Variants in SVOPL observed in about 807,000 individuals in gnomAD.
SVOPL encodes putative transporter SVOPL.
SVOPL carries 60 observed loss-of-function variants against 61.0 expected under a neutral mutation model. The ratio of observed to expected loss-of-function variants is 0.98; its 90% CI spans 0.80 to 1.22. The LOEUF is 1.22. SVOPL is among the 50% of genes most tolerant of loss of function. The pLI is 0.00. For synonymous variants in SVOPL, 279 were observed against 250.0 expected, an observed-to-expected ratio of 1.12 and a Z score of -1.09; for missense variants, 662 against 643.9, an observed-to-expected ratio of 1.03 and a Z score of -0.30.
At chr7:138,671,140 T>C (rs527457330) in intron 4 of SVOPL, among the ~76,000 whole-genome samples, 13 of 152,306 alleles carry the variant, frequency 8.5e-5, no homozygotes, top group African/African-American at 2.9e-4. Flanking sequence ...GCAGTGGCTA[T>C]AGAATGCAAT....
chr7:138,611,874 C>CA (rs1563087776), intron 14 of SVOPL, among the ~76,000 whole-genome samples: 8 of 70,324 alleles, frequency 1.1e-4, no homozygotes, highest in Non-Finnish European at 1.7e-4. Context: ...TCTGCCCGGC[C>CA]GCCACCCCGT....
intron 14 of SVOPL, among the ~76,000 whole-genome samples, chr7:138,610,663 G>A (rs1642687025): frequency 6.6e-6 from 1 of 152,152 alleles, no homozygotes; most frequent in Admixed American, 6.5e-5. Context: ...GCTCCTATGA[G>A]CCCTCTTCTC....
At chr7:138,694,641 A>G (rs991312497) in intron 1 of SVOPL, among the ~76,000 whole-genome samples, 1 of 152,208 alleles carries the variant, frequency 6.6e-6, no homozygotes. Flanking sequence ...ATATTCCCAT[A>G]ATAGAATGCC....
At chr7:138,662,091 C>T (rs1182195426) in intron 5 of SVOPL, 1 of 985,296 alleles carries the variant, frequency 1.0e-6, no homozygotes, top group Non-Finnish European at 1.2e-6. Context: ...TGGGTGGCTT[C>T]TTTATAAACT....
intron 9 of SVOPL, among the ~76,000 whole-genome samples, chr7:138,632,261 A>G (rs1613077): frequency 0.87 from 131,993 of 152,154 alleles, 57,706 homozygotes; most frequent in East Asian, 1. Context: ...GTAAAACCTC[A>G]TCTCTACTAA....
rs1235793965 is a variant in SVOPL, at chr7:138,615,673, T to C, written c.1353+5373A>G. Among the ~76,000 whole-genome samples, 2 of 87,460 alleles carry C rather than the reference T, an allele frequency of 2.3e-5. 1 individual carries two copies. The highest frequency in any genetic ancestry group is 5.2e-5 in the Non-Finnish European group (2 of 38,536). 57.4% of individuals were successfully genotyped at this position (87,460 alleles called of 152,430 possible). A position where few individuals can be genotyped will look rare whatever the true frequency, so the allele number is the denominator to read the frequency against. The stretch of plus-strand genomic sequence containing the variant: ...AGCTAGGCATGGTGGCAGGTGCCTG[T>C]AGTCTCAGCTACTTGGAAGGCTGAG... On this transcript the variant is annotated intron_variant, in intron 14 of 15. Coordinates refer to ENST00000674285, the MANE Select transcript of SVOPL (RefSeq NM_001139456.2).
At chr7:138,654,148 G>C (rs1247503351) in intron 7 of SVOPL, among the ~76,000 whole-genome samples, 3 of 138,474 alleles carry the variant, frequency 2.2e-5, no homozygotes, top group African/African-American at 8.3e-5. Flanking sequence ...AAAAAAAAAA[G>C]AATCATGGTA....
intron 1 of SVOPL, among the ~76,000 whole-genome samples, chr7:138,697,629 AAG>A (rs34462110): frequency 0.33 from 26,718 of 80,988 alleles, 3,394 homozygotes; most frequent in African/African-American, 0.47. Context: ...AAAAAAAAAA[AAG>A]AAGAAGAAGA....
intron 9 of SVOPL, among the ~76,000 whole-genome samples, chr7:138,638,521 C>T (rs569357355): frequency 3.3e-5 from 5 of 151,958 alleles, no homozygotes; most frequent in East Asian, 1.9e-4. Flanking sequence ...GTCTAGCTTG[C>T]GAGGTCAAGA....
At chr7:138,669,001 CGATACAACAAAGACTG>C (rs1802347810) in intron 4 of SVOPL, among the ~76,000 whole-genome samples, 1 of 152,138 alleles carries the variant, frequency 6.6e-6, no homozygotes, top group Non-Finnish European at 1.5e-5. Flanking sequence ...GCCCAGAAAG[CGATACAACAAAGACTG>C]GCCTTTTGAC....
chr7:138,663,211 C>T, intron 4 of SVOPL, 66 bp from the exon 5 acceptor site: 1 of 1,571,248 alleles, frequency 6.4e-7, no homozygotes, highest in South Asian at 1.2e-5. Context: ...ACCCCGTTAG[C>T]CATTTTCACT....
intron 3 of SVOPL, among the ~76,000 whole-genome samples, chr7:138,676,400 T>C (rs567644433): frequency 2.6e-5 from 4 of 152,356 alleles, no homozygotes; most frequent in South Asian, 2.1e-4. Flanking sequence ...CAGCAGGTTC[T>C]GCTGCCCGGA....
chr7:138,661,566 T>G, intron 5 of SVOPL: 1 of 985,362 alleles, frequency 1.0e-6, no homozygotes, highest in Non-Finnish European at 1.2e-6. Flanking sequence ...AGCTGATAAA[T>G]TACCTAAAAG....
At chr7:138,651,172 A>T (rs1801415505) in intron 7 of SVOPL, among the ~76,000 whole-genome samples, 1 of 152,122 alleles carries the variant, frequency 6.6e-6, no homozygotes, top group Non-Finnish European at 1.5e-5. Context: ...AGCAGCTGGG[A>T]CCTACCACTG....
intron 15 of SVOPL, among the ~76,000 whole-genome samples, chr7:138,596,047 G>A (rs901333097): frequency 2.0e-5 from 3 of 152,040 alleles, no homozygotes; most frequent in African/African-American, 7.2e-5. Flanking sequence ...AAATTAGCCA[G>A]GCATGGTGGC....
intron 14 of SVOPL, among the ~76,000 whole-genome samples, chr7:138,620,571 G>A (rs1462526191): frequency 2.6e-5 from 4 of 151,418 alleles, no homozygotes; most frequent in South Asian, 2.1e-4. Flanking sequence ...CTCCATCCAC[G>A]GCTCCAAGTC....
At chr7:138,692,445 G>A (rs1210589316) in intron 1 of SVOPL, among the ~76,000 whole-genome samples, 2 of 151,882 alleles carry the variant, frequency 1.3e-5, no homozygotes, top group African/African-American at 2.4e-5. Context: ...ACATATAAAC[G>A]CTCCATGCAA....
intron 14 of SVOPL, among the ~76,000 whole-genome samples, chr7:138,609,578 G>C (rs1289939930): frequency 6.6e-6 from 1 of 151,964 alleles, no homozygotes; most frequent in Non-Finnish European, 1.5e-5. Flanking sequence ...AGGATCATGT[G>C]AGCCCAGGAA....
At chr7:138,670,646 A>C (rs575892549) in intron 4 of SVOPL, among the ~76,000 whole-genome samples, 7 of 152,236 alleles carry the variant, frequency 4.6e-5, no homozygotes, top group Admixed American at 1.3e-4. Flanking sequence ...TTGCCTCCAA[A>C]TTTTCAGGGA....
Sources: allele counts gnomAD v4.1 joint callset (sites outside exome capture counted in the v4.1 genomes callset), GRCh38; gene constraint gnomAD v4.1.1; transcripts MANE v1.5; gene names NCBI Gene and HGNC (gene_info 2026-07-23, HGNC 2026-07-21).